TLK1: variants seen among roughly 807,000 people sequenced by gnomAD.
TLK1 encodes serine/threonine-protein kinase tousled-like 1.
Under a neutral mutation model 105.3 loss-of-function variants are expected in TLK1, and 24 were observed. The observed-to-expected ratio is 0.23, with a 90% CI of 0.17 to 0.32. The LOEUF (loss-of-function observed/expected upper bound fraction) is 0.32. Ranked by LOEUF, TLK1 falls within the 10% of genes least tolerant of loss-of-function variation. The pLI, the probability that TLK1 is intolerant of heterozygous loss-of-function variation, is 1.00. For missense variants in TLK1, 558 were observed against 910.5 expected (o/e 0.61, Z 4.98); for synonymous variants, 321 against 310.4 (o/e 1.03, Z -0.36).
intron 1 of TLK1, among the ~76,000 whole-genome samples, chr2:171,193,152 T>G (rs1480844564): frequency 2.0e-5 from 3 of 152,164 alleles, no homozygotes; most frequent in African/African-American, 7.2e-5. Context: ...TAACCACACA[T>G]TTGGTAAAAG....
intron 1 of TLK1, among the ~76,000 whole-genome samples, chr2:171,193,817 A>T (rs1693209481): frequency 6.8e-6 from 1 of 146,216 alleles, no homozygotes; most frequent in Non-Finnish European, 1.5e-5. Flanking sequence ...CCTGAGTTCA[A>T]GCAATTCTCA....
At chr2:171,007,456 T>C (rs1473453932) in intron 14 of TLK1, among the ~76,000 whole-genome samples, 1 of 152,008 alleles carries the variant, frequency 6.6e-6, no homozygotes, top group East Asian at 1.9e-4. Flanking sequence ...ATCTATCTTT[T>C]CCTAGCAACC....
At chr2:171,217,212 T>G (rs1693731766) in intron 1 of TLK1, among the ~76,000 whole-genome samples, 1 of 152,220 alleles carries the variant, frequency 6.6e-6, no homozygotes, top group South Asian at 2.1e-4. Context: ...TAAGTGTTTG[T>G]TGATTGAATG....
At chr2:171,117,957 AT>A in intron 1 of TLK1, 100 bp from the exon 2 acceptor site, 3 of 783,810 alleles carry the variant, frequency 3.8e-6, no homozygotes, top group Non-Finnish European at 5.5e-6. Context: ...GATGTTAAAA[AT>A]TTAGGAATGA....
intron 1 of TLK1, among the ~76,000 whole-genome samples, chr2:171,184,375 C>T (rs12464487): frequency 1.3e-5 from 2 of 152,088 alleles, no homozygotes; most frequent in Non-Finnish European, 2.9e-5. Context: ...AGGCGTGGTG[C>T]CTCACGCCTG....
chr2:171,036,562 G>A (rs1686349669), intron 11 of TLK1, among the ~76,000 whole-genome samples: 1 of 152,164 alleles, frequency 6.6e-6, no homozygotes, highest in Admixed American at 6.5e-5. Flanking sequence ...GAGTTTGAAT[G>A]GATTTTGAAA....
intron 12 of TLK1, among the ~76,000 whole-genome samples, chr2:171,019,404 T>C (rs1411301826): frequency 6.6e-6 from 1 of 152,216 alleles, no homozygotes; most frequent in African/African-American, 2.4e-5. Flanking sequence ...GCATTTCTCA[T>C]AATGGCATTT....
intron 14 of TLK1, among the ~76,000 whole-genome samples, chr2:171,009,947 G>A (rs1684827488): frequency 6.6e-6 from 1 of 152,132 alleles, no homozygotes; most frequent in African/African-American, 2.4e-5. Context: ...AACTAAAGAT[G>A]AGCATATAAC....
chr2:171,124,512 C>T (rs1690789978), intron 1 of TLK1, among the ~76,000 whole-genome samples: 1 of 152,134 alleles, frequency 6.6e-6, no homozygotes, highest in Admixed American at 6.5e-5. Flanking sequence ...CTGTTTCTAA[C>T]AAAAATTAAT....
intron 1 of TLK1, among the ~76,000 whole-genome samples, chr2:171,152,979 T>C (rs1294265727): frequency 1.3e-5 from 2 of 152,144 alleles, no homozygotes; most frequent in Non-Finnish European, 2.9e-5. Context: ...TTGGTTGGGG[T>C]TTTTGTATTT....
intron 2 of TLK1, among the ~76,000 whole-genome samples, chr2:171,105,423 C>T (rs954488230): frequency 2.6e-5 from 4 of 152,196 alleles, no homozygotes; most frequent in Admixed American, 1.3e-4. Flanking sequence ...CAGTGGCTCA[C>T]GCCTGTAATC....
intron 11 of TLK1, among the ~76,000 whole-genome samples, chr2:171,041,412 C>A (rs187266940): frequency 8.5e-5 from 13 of 152,260 alleles, no homozygotes; most frequent in Non-Finnish European, 1.9e-4. Flanking sequence ...TCCTACCCAC[C>A]ACATCTGGAT....
chr2:171,195,409 A>G (rs552458794), intron 1 of TLK1, among the ~76,000 whole-genome samples: 1 of 149,452 alleles, frequency 6.7e-6, no homozygotes, highest in African/African-American at 2.5e-5. Flanking sequence ...AGGCTGAGGC[A>G]GGAGAATGGC....
chr2:171,161,695 G>T (rs932600651), upstream of TLK1, among the ~76,000 whole-genome samples: 1 of 152,188 alleles, frequency 6.6e-6, no homozygotes, highest in Admixed American at 6.5e-5. Flanking sequence ...TCTTGCAGAA[G>T]GTATGGTTTC....
At chr2:171,125,156 T>C (rs985115944) in intron 1 of TLK1, among the ~76,000 whole-genome samples, 1 of 152,232 alleles carries the variant, frequency 6.6e-6, no homozygotes, top group African/African-American at 2.4e-5. Context: ...AATAAGCCAC[T>C]TGGAAACTTA....
chr2:171,013,565 C>CA (rs1685033317), intron 13 of TLK1, among the ~76,000 whole-genome samples: 1 of 152,002 alleles, frequency 6.6e-6, no homozygotes, highest in Non-Finnish European at 1.5e-5. Context: ...ACTGGCCTCC[C>CA]AAAGTGCAAG....
chr2:171,141,862 C>G (rs1187596967), intron 1 of TLK1, among the ~76,000 whole-genome samples: 1 of 151,724 alleles, frequency 6.6e-6, no homozygotes, highest in Non-Finnish European at 1.5e-5. Context: ...CAGCTAGAAG[C>G]CTGGAAATGC....
chr2:171,120,243 C>T (rs574631251), intron 1 of TLK1, among the ~76,000 whole-genome samples: 9 of 114,914 alleles, frequency 7.8e-5, no homozygotes, highest in East Asian at 4.6e-4. Context: ...AGTGAGACTC[C>T]GTCAGAAAAA....
intron 11 of TLK1, among the ~76,000 whole-genome samples, chr2:171,040,354 T>C (rs1341852231): frequency 2.6e-5 from 4 of 152,202 alleles, no homozygotes; most frequent in Admixed American, 6.5e-5. Context: ...GATGTGTCTA[T>C]GCAGGTAACA....
Sources: allele counts gnomAD v4.1 joint callset (sites outside exome capture counted in the v4.1 genomes callset), GRCh38; gene constraint gnomAD v4.1.1; transcripts MANE v1.5; gene names NCBI Gene and HGNC (gene_info 2026-07-23, HGNC 2026-07-21).